CCDC73: variants seen among roughly 807,000 people sequenced by gnomAD.
CCDC73 encodes the protein coiled-coil domain containing 73.
A neutral mutation model predicts 116.5 loss-of-function variants in CCDC73; 95 were observed. That is an observed-to-expected ratio of 0.82 (90% CI 0.69 to 0.97). CCDC73 has a LOEUF of 0.97. Among genes scored for constraint, CCDC73 ranks in the 50% least tolerant of loss-of-function variants. CCDC73 has a pLI of 0.00. For synonymous variants in CCDC73, 398 were observed against 401.3 expected, an observed-to-expected ratio of 0.99 and a Z score of 0.10; for missense variants, 1,066 against 1,206.8, an observed-to-expected ratio of 0.88 and a Z score of 1.73.
chr11:32,752,247 G>A (rs1850292959), intron 2 of CCDC73, among the ~76,000 whole-genome samples: 1 of 152,126 alleles, frequency 6.6e-6, no homozygotes, highest in Non-Finnish European at 1.5e-5. Context: ...CTCTACTCAA[G>A]GACATGAAAT....
chr11:32,767,024 G>A (rs1850448797), intron 1 of CCDC73, among the ~76,000 whole-genome samples: 1 of 152,166 alleles, frequency 6.6e-6, no homozygotes, highest in South Asian at 2.1e-4. Context: ...GCAATCCTAA[G>A]CCAAAAGAAC....
At chr11:32,629,096 C>T (rs1410995933) in intron 14 of CCDC73, among the ~76,000 whole-genome samples, 1 of 151,892 alleles carries the variant, frequency 6.6e-6, no homozygotes, top group Non-Finnish European at 1.5e-5. Flanking sequence ...CAGGACATAA[C>T]AACAGAAACA....
rs139634025 is a variant in CCDC73 at position 32,647,219 on chromosome 11, C to T, written c.940-5137G>A. 1.1e-4 allele frequency among the ~76,000 whole-genome samples: 17 copies of T among 152,298 alleles called. No homozygotes were observed. In the East Asian group the frequency reaches 2.7e-3, roughly 24 times the overall value. On this transcript the variant is annotated intron_variant, in intron 12 of 17. Coordinates refer to ENST00000335185, the MANE Select transcript of CCDC73 (RefSeq NM_001008391.4). ...GCACTGGCATCTGCTTCTGGTGAGG[C>T]CTAAGGAAGCTTTTACTCATGGTGG...
At chr11:32,717,014 C>T (rs1849952175) in intron 3 of CCDC73, among the ~76,000 whole-genome samples, 3 of 152,160 alleles carry the variant, frequency 2.0e-5, no homozygotes, top group Non-Finnish European at 1.5e-5. Context: ...ATATTCTTTC[C>T]CTCCACAGAT....
intron 17 of CCDC73, among the ~76,000 whole-genome samples, chr11:32,608,741 A>G (rs1251918987): frequency 6.6e-6 from 1 of 152,218 alleles, no homozygotes; most frequent in African/African-American, 2.4e-5. Context: ...CCGCCCCTGC[A>G]GCAAACTTCT....
At chr11:32,660,229 CAAAAAAAAAAA>C (rs11310092) in intron 9 of CCDC73, among the ~76,000 whole-genome samples, 9 of 66,510 alleles carry the variant, frequency 1.4e-4, no homozygotes, top group Admixed American at 6.3e-4. Context: ...TTCTCTCTAC[CAAAAAAAAAAA>C]AAAAAAAAAA....
intron 3 of CCDC73, among the ~76,000 whole-genome samples, chr11:32,708,148 T>C (rs1849871124): frequency 6.6e-6 from 1 of 152,244 alleles, no homozygotes; most frequent in Non-Finnish European, 1.5e-5. Context: ...CAGCACCACT[T>C]GTTGAAAAGG....
At chr11:32,649,472 C>A (rs1162981550) in intron 12 of CCDC73, among the ~76,000 whole-genome samples, 1 of 152,114 alleles carries the variant, frequency 6.6e-6, no homozygotes, top group Admixed American at 6.5e-5. Flanking sequence ...AAAAGTAAGA[C>A]AGATGACAGC....
intron 9 of CCDC73, among the ~76,000 whole-genome samples, chr11:32,670,592 G>A (rs572305570): frequency 5.9e-5 from 9 of 152,018 alleles, no homozygotes; most frequent in East Asian, 1.9e-4. Context: ...CTCCTAAAAC[G>A]CAATGTCCTA....
chr11:32,725,795 G>T (rs900401104), intron 2 of CCDC73, among the ~76,000 whole-genome samples: 1 of 152,094 alleles, frequency 6.6e-6, no homozygotes, highest in African/African-American at 2.4e-5. Context: ...ACAGAGAAGA[G>T]AACCTTAAAG....
chr11:32,635,967 G>C, intron 13 of CCDC73, 137 bp from the exon 14 acceptor site: 6 of 552,074 alleles, frequency 1.1e-5, no homozygotes, highest in Non-Finnish European at 1.5e-5. Context: ...CTAATATTAA[G>C]AGCTACCATT....
At chr11:32,813,963 C>G in the CCDC73 span, among the ~76,000 whole-genome samples, 1 of 152,094 alleles carries the variant, frequency 6.6e-6, no homozygotes, top group African/African-American at 2.4e-5. Flanking sequence ...TTGTATTATA[C>G]TGAATTAGAT....
intron 2 of CCDC73, chr11:32,758,510 T>C (rs1013327434): frequency 8.7e-6 from 4 of 461,004 alleles, no homozygotes; most frequent in Non-Finnish European, 1.7e-5. Context: ...TGGTTCCATG[T>C]ATGCTAATTG....
At chr11:32,698,455 G>A (rs1425608043) in intron 6 of CCDC73, among the ~76,000 whole-genome samples, 3 of 152,044 alleles carry the variant, frequency 2.0e-5, no homozygotes, top group Non-Finnish European at 4.4e-5. Flanking sequence ...GGTGAAGTTC[G>A]GTCCTCCTTA....
chr11:32,758,124 T>A (rs1385177055), intron 2 of CCDC73: 1 of 195,632 alleles, frequency 5.1e-6, no homozygotes, highest in Non-Finnish European at 1.1e-5. Flanking sequence ...CTTTTTCTAA[T>A]GAAAGTAAGG....
At chr11:32,604,747 A>C (rs1242957623) in intron 17 of CCDC73, 2 of 152,202 alleles carry the variant, frequency 1.3e-5, no homozygotes, top group Non-Finnish European at 2.9e-5. Context: ...ATCTTTGTGA[A>C]GATCTTTGGG....
chr11:32,686,031 T>G (rs1456832611), intron 6 of CCDC73, among the ~76,000 whole-genome samples: 1 of 151,796 alleles, frequency 6.6e-6, no homozygotes, highest in Non-Finnish European at 1.5e-5. Context: ...TGACTTAGCT[T>G]TTTAAAGACT....
At chr11:32,787,894 C>A (rs1850641855) in intron 1 of CCDC73, among the ~76,000 whole-genome samples, 1 of 152,104 alleles carries the variant, frequency 6.6e-6, no homozygotes, top group South Asian at 2.1e-4. Context: ...CTTTTATAAT[C>A]TAATAAAATT....
At chr11:32,778,619 C>T (rs1391001550) in intron 1 of CCDC73, among the ~76,000 whole-genome samples, 2 of 152,004 alleles carry the variant, frequency 1.3e-5, no homozygotes, top group African/African-American at 4.8e-5. Flanking sequence ...CGTGACCAGC[C>T]TGGCCAACAT....
Sources: allele counts gnomAD v4.1 joint callset (sites outside exome capture counted in the v4.1 genomes callset), GRCh38; gene constraint gnomAD v4.1.1; transcripts MANE v1.5; gene names NCBI Gene and HGNC (gene_info 2026-07-23, HGNC 2026-07-21).